The following EEF1AKMT2 variants were observed in gnomAD, a reference collection of about 807,000 sequenced individuals.
EEF1AKMT2 encodes the protein EEF1A lysine methyltransferase 2, also known as eukaryotic translation elongation factor 1 alpha lysine methyltransferase 2.
EEF1AKMT2 carries 32 observed loss-of-function variants against 35.8 expected under a neutral mutation model. The observed-to-expected ratio is 0.89, with a 90% confidence interval of 0.67 to 1.20. The LOEUF (loss-of-function observed/expected upper bound fraction) is 1.20, where lower values mean the gene tolerates loss of function less well. EEF1AKMT2 is among the 50% of genes most tolerant of loss of function. EEF1AKMT2 has a pLI of 0.00. For synonymous variants in EEF1AKMT2, 121 were observed against 133.7 expected (o/e 0.91, Z 0.65); for missense variants, 330 against 347.5 (o/e 0.95, Z 0.40).
chr10:124,783,048 C>A, intron 3 of EEF1AKMT2: 6 of 321,048 alleles, frequency 1.9e-5, no homozygotes, highest in Non-Finnish European at 3.6e-5. Context: ...AAAAACTAAA[C>A]AAAAAGGGGC....
chr10:124,787,303 T>C (rs941225494), intron 3 of EEF1AKMT2, among the ~76,000 whole-genome samples: 2 of 151,844 alleles, frequency 1.3e-5, no homozygotes, highest in Non-Finnish European at 2.9e-5. Context: ...CATAATGGCG[T>C]GCGCCTGTAA....
At chr10:124,769,218 C>CACAAAAAA (rs754443902) in intron 4 of EEF1AKMT2, among the ~76,000 whole-genome samples, 515 of 31,294 alleles carry the variant, frequency 0.016, 115 homozygotes, top group Non-Finnish European at 0.02. Context: ...ACACTGTCTC[C>CACAAAAAA]AAAAAAAAAA....
Position 124,791,729 on chromosome 10 carries a change from G to C in EEF1AKMT2, c.105C>G (p.Arg35=). 1 of 1,584,446 alleles carries C rather than the reference G, an allele frequency of 6.3e-7. No individual in the cohort carries two copies. The highest frequency in any genetic ancestry group is 8.5e-7 in the Non-Finnish European group (1 of 1,169,822). Residue 35 remains arginine, a synonymous_variant, in exon 1 of 7, where the codon CGC becomes CGG. Coordinates refer to ENST00000368836, the MANE Select transcript of EEF1AKMT2 (RefSeq NM_212554.4). The stretch of plus-strand genomic sequence containing the variant: ...CTGCCCAGCGTCACACTCACTGCTC[G>C]CGGGTCCCCAGCGCCGACGGGACGA... ...DGFVPSALGT[R]EHWDAVYERE... is the part of the protein sequence containing the mutation.
At chr10:124,790,235 ATCT>A (rs1245223421) in intron 2 of EEF1AKMT2, 35 bp downstream of exon 2, 7 of 1,455,084 alleles carry the variant, frequency 4.8e-6, no homozygotes, top group Non-Finnish European at 6.8e-6. Flanking sequence ...TATACATATA[ATCT>A]TCTAGATTAT....
chr10:124,779,472 C>T (rs1359328813), intron 3 of EEF1AKMT2, among the ~76,000 whole-genome samples: 8 of 149,538 alleles, frequency 5.3e-5, no homozygotes, highest in Admixed American at 2.0e-4. Flanking sequence ...AGTGGCTGGG[C>T]GCAGTGGCTC....
At chr10:124,763,719 A>G (rs1044925278) in intron 5 of EEF1AKMT2, among the ~76,000 whole-genome samples, 4 of 152,202 alleles carry the variant, frequency 2.6e-5, no homozygotes, top group African/African-American at 9.6e-5. Flanking sequence ...AGACAGACAA[A>G]TATGTTTTTG....
Position 124,762,477 on chromosome 10 carries a change from C to T in EEF1AKMT2, c.698G>A (p.Arg233Gln), listed in dbSNP as rs1257054302. The T allele has an allele frequency of 2.2e-5, 28 of 1,292,498 alleles. No individual in the cohort carries two copies. Among genetic ancestry groups the T allele is most frequent in the East Asian group, 1.1e-4 (2 of 17,872 alleles). The allele number at this position is 1,292,498 out of a possible 1,614,324, so 80.1% of individuals were successfully genotyped here. Residue 233 changes from arginine to glutamine, a missense_variant, in exon 6 of 7, where the codon CGA becomes CAA. By Grantham distance (43) the Arg-to-Gln change is conservative. Coordinates refer to ENST00000368836, the MANE Select transcript of EEF1AKMT2 (RefSeq NM_212554.4). ...AQAIFSTSAS[R>Q]VGGTTGTHHH... is the part of the protein sequence containing the mutation. Reference sequence around the variant, plus strand: ...ATGTGTGCCTGTAGTTCCACCTACTCGGGAGGCTGAAGTGGAAAAGATCGC... The same window carrying T: ...ATGTGTGCCTGTAGTTCCACCTACTTGGGAGGCTGAAGTGGAAAAGATCGC...
chr10:124,791,623 T>G lies in EEF1AKMT2; in HGVS notation c.110+101A>C. 3.4e-6 allele frequency: 5 copies of G among 1,492,198 alleles called. No individual in the cohort carries two copies. The African/African-American group carries it at 7.0e-5, about 21-fold the overall frequency. The allele number at this position is 1,492,198 out of a possible 1,614,324, so 92.4% of individuals were successfully genotyped here. A position where few individuals can be genotyped will look rare whatever the true frequency, so the allele number is the denominator to read the frequency against. ...CCTGCTCCCGTCACGCCCCCGAGGGTCTCCCTGTCCCTGAGCCCCGGGTCT... is the reference window on the plus strand; with the variant it reads ...CCTGCTCCCGTCACGCCCCCGAGGGGCTCCCTGTCCCTGAGCCCCGGGTCT... On this transcript the variant is annotated intron_variant, in intron 1 of 6. Coordinates refer to ENST00000368836, the MANE Select transcript of EEF1AKMT2 (RefSeq NM_212554.4).
chr10:124,764,213 G>A (rs529590015), intron 5 of EEF1AKMT2, among the ~76,000 whole-genome samples: 4 of 151,160 alleles, frequency 2.6e-5, no homozygotes, highest in South Asian at 2.1e-4. Flanking sequence ...TGACAACTGA[G>A]GTTCAAAATT....
rs551327314 is a variant in EEF1AKMT2, at chr10:124,770,667, T to C, written c.399+4008A>G. On this transcript the variant is annotated intron_variant, in intron 4 of 6. Coordinates refer to ENST00000368836, the MANE Select transcript of EEF1AKMT2 (RefSeq NM_212554.4). The stretch of plus-strand genomic sequence containing the variant: ...CTCTGGAGTACATGATATTGTTTGA[T>C]AGCATTTTACACACAGCAGAACATC... 2.0e-5 allele frequency among the ~76,000 whole-genome samples: 3 copies of C among 152,332 alleles called. No homozygotes were observed. The South Asian group carries it at 6.2e-4, about 32-fold the overall frequency.
rs1950304054 is a variant in EEF1AKMT2 at position 124,758,462 on chromosome 10, A to T, written c.*2041T>A. On this transcript the variant is annotated 3_prime_UTR_variant, in exon 7 of 7. Transcript: ENST00000368836. The stretch of plus-strand genomic sequence containing the variant: ...AGCAGGATTAGAGTAATAAGAAGAG[A>T]TGACAACTTCCTTTTCCTAACCTTA... The T allele has an allele frequency of 6.6e-6, 1 of 151,566 alleles. No homozygotes were observed. The highest frequency in any genetic ancestry group is 1.5e-5 in the Non-Finnish European group (1 of 67,946). 9.4% of individuals were successfully genotyped at this position (151,566 alleles called of 1,614,324 possible). A position where few individuals can be genotyped will look rare whatever the true frequency, so the allele number is the denominator to read the frequency against.
chr10:124,788,034 T>C (rs938322070), intron 3 of EEF1AKMT2, among the ~76,000 whole-genome samples: 2 of 152,214 alleles, frequency 1.3e-5, no homozygotes, highest in East Asian at 3.8e-4. Context: ...CAAAGCATAA[T>C]ATGGTTCCTA....
intron 4 of EEF1AKMT2, among the ~76,000 whole-genome samples, chr10:124,774,137 G>A (rs1261009843): frequency 6.6e-6 from 1 of 152,142 alleles, no homozygotes; most frequent in Non-Finnish European, 1.5e-5. Flanking sequence ...GGAGGCCGAA[G>A]CGGGCAGATC....
intron 6 of EEF1AKMT2, 67 bp from the exon 7 acceptor site, chr10:124,760,570 T>TGTAA: frequency 8.3e-7 from 1 of 1,211,196 alleles, no homozygotes; most frequent in Non-Finnish European, 1.2e-6. Flanking sequence ...TTTATATGCA[T>TGTAA]GCATTAACAC....
At chr10:124,788,946 ATT>A in intron 3 of EEF1AKMT2, 95 bp downstream of exon 3, 1 of 777,702 alleles carries the variant, frequency 1.3e-6, no homozygotes, top group Non-Finnish European at 2.1e-6. Flanking sequence ...CTGCTTTACT[ATT>A]TTATATTTAG....
intron 3 of EEF1AKMT2, among the ~76,000 whole-genome samples, chr10:124,788,733 T>TATATATATATATATATA (rs1345930489): frequency 1.6e-4 from 23 of 143,216 alleles, no homozygotes; most frequent in South Asian, 2.3e-4. Context: ...TATATATGCA[T>TATATATATATATATATA]TTCTAGAGTT....
downstream of EEF1AKMT2, among the ~76,000 whole-genome samples, chr10:124,757,113 T>G (rs1838541102): frequency 6.6e-6 from 1 of 151,608 alleles, no homozygotes; most frequent in Admixed American, 6.6e-5. Context: ...GCAGCCTTCA[T>G]TCAGTGAAAT....
intron 3 of EEF1AKMT2, among the ~76,000 whole-genome samples, chr10:124,775,636 C>T (rs1487544116): frequency 6.6e-6 from 1 of 152,200 alleles, no homozygotes; most frequent in Non-Finnish European, 1.5e-5. Context: ...AACCTACTGC[C>T]ACATCAAATC....
chr10:124,786,151 T>A (rs1222575458), intron 3 of EEF1AKMT2, among the ~76,000 whole-genome samples: 1 of 152,050 alleles, frequency 6.6e-6, no homozygotes. Flanking sequence ...GGTTGGTGAA[T>A]AACACAAGGG....
Sources: gnomAD v4.1 joint callset for allele counts (sites outside exome capture counted in the v4.1 genomes callset) on GRCh38, gnomAD v4.1.1 for gene constraint, MANE v1.5 for transcripts, NCBI Gene and HGNC (gene_info 2026-07-23, HGNC 2026-07-21) for gene names.